Variants in ZNF215 observed in about 807,000 individuals in gnomAD.
The protein encoded by ZNF215 is zinc finger protein 215, also known as BWSCR2-associated zinc finger protein 2.
Under a neutral mutation model 27.2 loss-of-function variants are expected in ZNF215, and 24 were observed. The observed-to-expected ratio is 0.88, with a 90% CI of 0.64 to 1.24. The LOEUF is 1.24. ZNF215 is among the 50% of genes most tolerant of loss of function. ZNF215 has a pLI of 0.00. For missense variants in ZNF215, 675 were observed against 605.7 expected, an observed-to-expected ratio of 1.11 and a Z score of -1.20; for synonymous variants, 210 against 204.0, an observed-to-expected ratio of 1.03 and a Z score of -0.25.
chr11:6,935,755 A>G (rs1009911110), intron 3 of ZNF215, among the ~76,000 whole-genome samples: 1 of 152,202 alleles, frequency 6.6e-6, no homozygotes, highest in Non-Finnish European at 1.5e-5. Context: ...AACAGAAGAT[A>G]CATTTTCAAG....
chr11:6,940,277 C>G (rs1432121846), intron 3 of ZNF215, among the ~76,000 whole-genome samples: 1 of 151,120 alleles, frequency 6.6e-6, no homozygotes, highest in Non-Finnish European at 1.5e-5. Flanking sequence ...TTGCAGCATT[C>G]ACACGGTATG....
chr11:6,978,852 A>G (rs544120964), intron 5 of ZNF215, among the ~76,000 whole-genome samples: 101 of 152,252 alleles, frequency 6.6e-4, no homozygotes, highest in African/African-American at 2.3e-3. Context: ...TAATCCACCT[A>G]TATACTTAAT....
intron 2 of ZNF215, among the ~76,000 whole-genome samples, chr11:6,928,888 A>T (rs778416255): frequency 1.3e-5 from 2 of 152,104 alleles, no homozygotes; most frequent in African/African-American, 2.4e-5. Context: ...CCAGATCAGG[A>T]GGGTCGTGGA....
chr11:6,930,989 A>C (rs1159387096), intron 2 of ZNF215, among the ~76,000 whole-genome samples: 1 of 152,232 alleles, frequency 6.6e-6, no homozygotes, highest in Non-Finnish European at 1.5e-5. Context: ...TGTGTAGGAT[A>C]TTTAACAACA....
chr11:6,943,743 T>A, intron 6 of ZNF215, 102 bp downstream of exon 6: 1 of 901,162 alleles, frequency 1.1e-6, no homozygotes, highest in Non-Finnish European at 1.8e-6. Flanking sequence ...GGGAAGGAGA[T>A]AGCAAAACCT....
chr11:6,937,752 T>C (rs1849487573), intron 3 of ZNF215, among the ~76,000 whole-genome samples: 1 of 148,776 alleles, frequency 6.7e-6, no homozygotes, highest in Non-Finnish European at 1.5e-5. Context: ...AATGAGAAAA[T>C]AATAGTTTTT....
chr11:6,982,944 C>G (rs1014755129), intron 5 of ZNF215, among the ~76,000 whole-genome samples: 3 of 150,288 alleles, frequency 2.0e-5, no homozygotes, highest in Admixed American at 2.0e-4. Context: ...ACAAAAAACC[C>G]TTCAAAAAAT....
intron 5 of ZNF215, among the ~76,000 whole-genome samples, chr11:6,982,153 T>C (rs1590088915): frequency 6.6e-6 from 1 of 152,136 alleles, no homozygotes; most frequent in African/African-American, 2.4e-5. Context: ...AAGAAAGTCA[T>C]TGGTAGCTTG....
intron 5 of ZNF215, among the ~76,000 whole-genome samples, chr11:6,964,316 T>C (rs1163054058): frequency 2.0e-5 from 3 of 152,070 alleles, no homozygotes; most frequent in Non-Finnish European, 4.4e-5. Flanking sequence ...TATCAATTGT[T>C]TCTCTCATTG....
rs537108795 is a variant in ZNF215, at chr11:6,939,544, G to A, written c.401-2027G>A. Among the ~76,000 whole-genome samples, 194 of 152,312 alleles carry A rather than the reference G, an allele frequency of 1.3e-3. 1 individual carries two copies. Among genetic ancestry groups the A allele is most frequent in the African/African-American group, 4.4e-3 (185 of 41,584 alleles). On this transcript the variant is annotated intron_variant, in intron 3 of 6. Transcript: ENST00000278319. ...ACTAGGAAGTGGAAGGGAGGTACAAGTAGATCAGAACAATTTCCAAGATCG... is the reference window on the plus strand; with the variant it reads ...ACTAGGAAGTGGAAGGGAGGTACAAATAGATCAGAACAATTTCCAAGATCG...
intron 5 of ZNF215, among the ~76,000 whole-genome samples, chr11:6,973,122 C>T (rs1850753895): frequency 6.6e-6 from 1 of 152,150 alleles, no homozygotes; most frequent in Non-Finnish European, 1.5e-5. Flanking sequence ...GCTCAATTCC[C>T]ACCTATGAGT....
chr11:6,952,863 T>C (rs11041114), intron 6 of ZNF215, among the ~76,000 whole-genome samples: 57,361 of 151,076 alleles, frequency 0.38, 10,828 homozygotes, highest in South Asian at 0.48. Context: ...GATTTTGCAG[T>C]GGCTGGTACC....
chr11:6,945,717 C>T (rs535862752), intron 6 of ZNF215, among the ~76,000 whole-genome samples: 2 of 152,314 alleles, frequency 1.3e-5, no homozygotes, highest in East Asian at 3.9e-4. Context: ...CTTTTGCAGA[C>T]TTAGCTTTCT....
intron 5 of ZNF215, among the ~76,000 whole-genome samples, chr11:6,981,418 G>A (rs1297598026): frequency 1.3e-5 from 2 of 152,052 alleles, no homozygotes; most frequent in Non-Finnish European, 2.9e-5. Context: ...CTTTTGAGAA[G>A]TGTCTGTTCA....
intron 5 of ZNF215, among the ~76,000 whole-genome samples, chr11:6,969,582 T>C (rs1261025944): frequency 9.6e-5 from 4 of 41,786 alleles, no homozygotes; most frequent in Non-Finnish European, 2.7e-4. Context: ...AAAGTGAAAA[T>C]AGCTAAAAAA....
chr11:6,985,999 T>C (rs2133361810), downstream of ZNF215, among the ~76,000 whole-genome samples: 1 of 152,210 alleles, frequency 6.6e-6, no homozygotes, highest in African/African-American at 2.4e-5. Flanking sequence ...ACTATCAACA[T>C]AATTTTTCAC....
At chr11:6,941,019 C>A (rs1390855287) in intron 3 of ZNF215, among the ~76,000 whole-genome samples, 1 of 152,108 alleles carries the variant, frequency 6.6e-6, no homozygotes, top group Non-Finnish European at 1.5e-5. Flanking sequence ...AAATTTCTCA[C>A]TGAATGGCTG....
chr11:6,962,256 T>A (rs1850529949), downstream of ZNF215, among the ~76,000 whole-genome samples: 1 of 152,160 alleles, frequency 6.6e-6, no homozygotes, highest in Admixed American at 6.6e-5. Context: ...TGGTAAGAGC[T>A]GCAACCTGAG....
intron 3 of ZNF215, among the ~76,000 whole-genome samples, chr11:6,936,472 T>A (rs1849439900): frequency 1.3e-5 from 2 of 152,024 alleles, no homozygotes; most frequent in South Asian, 4.1e-4. Flanking sequence ...AACTCAGCAA[T>A]AACAAAAGAC....
Sources: allele counts gnomAD v4.1 joint callset (sites outside exome capture counted in the v4.1 genomes callset), GRCh38; gene constraint gnomAD v4.1.1; transcripts MANE v1.5; gene names NCBI Gene and HGNC (gene_info 2026-07-23, HGNC 2026-07-21).